NFIB: variants seen among roughly 807,000 people sequenced by gnomAD.
The protein encoded by NFIB is nuclear factor 1 B-type.
NFIB carries 11 observed loss-of-function variants against 61.5 expected under a neutral mutation model. The ratio of observed to expected loss-of-function variants is 0.18; its 90% CI spans 0.11 to 0.30. The LOEUF (loss-of-function observed/expected upper bound fraction) is 0.30, where lower values mean the gene tolerates loss of function less well. Among genes scored for constraint, NFIB ranks in the 10% least tolerant of loss-of-function variants. The pLI is 1.00. For missense variants in NFIB, 471 were observed against 608.9 expected, an observed-to-expected ratio of 0.77 and a Z score of 2.38; for synonymous variants, 260 against 216.5, an observed-to-expected ratio of 1.20 and a Z score of -1.76.
intron 3 of NFIB, among the ~76,000 whole-genome samples, chr9:14,162,225 T>C (rs1188240722): frequency 6.6e-6 from 1 of 151,490 alleles, no homozygotes; most frequent in East Asian, 1.9e-4. Flanking sequence ...ACAATGAAAA[T>C]GTTGGCTATG....
At chr9:14,179,852 C>T (rs561398262) in intron 2 of NFIB, 72 bp from the exon 3 acceptor site, 47 of 1,462,508 alleles carry the variant, frequency 3.2e-5, no homozygotes, top group Non-Finnish European at 4.1e-5. Context: ...TCAAAGGACT[C>T]GAAAAAAAAA....
the NFIB span, among the ~76,000 whole-genome samples, chr9:14,529,561 TTC>T: frequency 6.6e-6 from 1 of 152,196 alleles, no homozygotes; most frequent in Non-Finnish European, 1.5e-5. Context: ...CCGCCATGTA[TTC>T]TGTCTCTCTT....
intron 2 of NFIB, among the ~76,000 whole-genome samples, chr9:14,256,998 A>G (rs538284231): frequency 6.6e-6 from 1 of 152,324 alleles, no homozygotes; most frequent in African/African-American, 2.4e-5. Flanking sequence ...TATGGCCTAG[A>G]GCACAAGAAG....
intron 6 of NFIB, among the ~76,000 whole-genome samples, chr9:14,139,931 C>T (rs2041493831): frequency 6.6e-6 from 1 of 152,154 alleles, no homozygotes; most frequent in African/African-American, 2.4e-5. Flanking sequence ...AGGGTAGTAC[C>T]TAGAAATTCA....
chr9:14,230,308 A>G (rs1048485667), intron 2 of NFIB, among the ~76,000 whole-genome samples: 4 of 152,222 alleles, frequency 2.6e-5, no homozygotes, highest in African/African-American at 9.6e-5. Context: ...CTTTGAGTTC[A>G]TCAGGGAAGG....
chr9:14,123,254 A>G (rs2039175939), intron 7 of NFIB, among the ~76,000 whole-genome samples: 2 of 151,816 alleles, frequency 1.3e-5, no homozygotes, highest in South Asian at 4.1e-4. Flanking sequence ...TGTCTCAAAA[A>G]AAAAAAGAAA....
upstream of NFIB, among the ~76,000 whole-genome samples, chr9:14,403,302 T>C (rs188916322): frequency 1.1e-3 from 164 of 152,322 alleles, 3 homozygotes; most frequent in Admixed American, 2.2e-3. Context: ...GATAGGTTTT[T>C]GCAGGCAGCC....
chr9:14,088,605 G>A (rs2033266655), intron 10 of NFIB, among the ~76,000 whole-genome samples: 1 of 151,822 alleles, frequency 6.6e-6, no homozygotes, highest in African/African-American at 2.4e-5. Context: ...ACCGATTGAG[G>A]ATATTCTAAA....
chr9:14,406,244 C>A, the NFIB span, among the ~76,000 whole-genome samples: 31 of 152,290 alleles, frequency 2.0e-4, no homozygotes, highest in African/African-American at 7.2e-4. Flanking sequence ...GTTTTCATAA[C>A]GTCTTTCCCC....
chr9:14,191,459 G>A (rs1050462666), intron 2 of NFIB, among the ~76,000 whole-genome samples: 3 of 152,048 alleles, frequency 2.0e-5, no homozygotes, highest in African/African-American at 4.8e-5. Context: ...AAATGATGAC[G>A]GGCATGTTCA....
intron 3 of NFIB, among the ~76,000 whole-genome samples, chr9:14,172,443 A>AG (rs1033955521): frequency 6.6e-6 from 1 of 152,006 alleles, no homozygotes; most frequent in Non-Finnish European, 1.5e-5. Flanking sequence ...AAAGGAAAGG[A>AG]GGGGAAAAAA....
At chr9:14,302,769 T>G (rs1376397306) in intron 2 of NFIB, among the ~76,000 whole-genome samples, 1 of 136,578 alleles carries the variant, frequency 7.3e-6, no homozygotes, top group East Asian at 2.0e-4. Context: ...CACCACCCCC[T>G]TCCTTTTTTC....
chr9:14,084,131 C>A lies in NFIB; in HGVS notation c.*4178G>T, dbSNP rs528497999. The A allele has an allele frequency of 3.9e-5, 8 of 203,800 alleles. No individual in the cohort carries two copies. Among genetic ancestry groups the A allele is most frequent in the Admixed American group, 1.2e-4 (2 of 16,696 alleles). 12.6% of individuals were successfully genotyped at this position (203,800 alleles called of 1,614,324 possible). The stretch of plus-strand genomic sequence containing the variant: ...CAGGAATCTGTGAAATAACTCCTAA[C>A]ATGGACAGATTTTCTTTTTAATACA... On this transcript the variant is annotated 3_prime_UTR_variant, in exon 11 of 11. Coordinates refer to ENST00000380953, the MANE Select transcript of NFIB (RefSeq NM_001190737.2).
At chr9:14,169,198 G>C (rs568625973) in intron 3 of NFIB, among the ~76,000 whole-genome samples, 2 of 152,232 alleles carry the variant, frequency 1.3e-5, no homozygotes, top group South Asian at 2.1e-4. Context: ...GTCACTGTTT[G>C]TTTCATGACA....
At chr9:14,423,661 C>A in the NFIB span, among the ~76,000 whole-genome samples, 2 of 152,138 alleles carry the variant, frequency 1.3e-5, no homozygotes, top group Non-Finnish European at 2.9e-5. Flanking sequence ...GATTATTTTT[C>A]CTTAGGTAAT....
At chr9:14,317,434 G>A (rs1188128207), upstream of NFIB, 1 of 152,250 alleles carries the variant, frequency 6.6e-6, no homozygotes, top group African/African-American at 2.4e-5. Flanking sequence ...CACGTTTGAG[G>A]GTGCTTATGG....
At chr9:14,118,768 C>CTTTTTT (rs35334290) in intron 8 of NFIB, among the ~76,000 whole-genome samples, 16 of 129,002 alleles carry the variant, frequency 1.2e-4, no homozygotes, top group East Asian at 4.5e-4. Flanking sequence ...TTTTCTTTTT[C>CTTTTTT]TTTTTTTTTT....
At chr9:14,368,786 A>G (rs1004747701) in intron 1 of NFIB, among the ~76,000 whole-genome samples, 1 of 152,212 alleles carries the variant, frequency 6.6e-6, no homozygotes, top group Non-Finnish European at 1.5e-5. Flanking sequence ...TTATGTCTGC[A>G]TAGCTCATTT....
the NFIB span, among the ~76,000 whole-genome samples, chr9:14,434,309 A>C: frequency 7.9e-5 from 12 of 152,310 alleles, 1 homozygote; most frequent in East Asian, 2.3e-3. Context: ...CTGTTGACTC[A>C]CACTTCCTAT....
Sources: allele counts gnomAD v4.1 joint callset (sites outside exome capture counted in the v4.1 genomes callset), GRCh38; gene constraint gnomAD v4.1.1; transcripts MANE v1.5; gene names NCBI Gene and HGNC (gene_info 2026-07-23, HGNC 2026-07-21).